Variants in AHI1 observed in about 807,000 individuals in gnomAD.
The protein encoded by AHI1 is jouberin.
AHI1 carries 123 observed loss-of-function variants against 149.3 expected under a neutral mutation model. The ratio of observed to expected loss-of-function variants is 0.82; its 90% CI spans 0.71 to 0.96. The LOEUF (loss-of-function observed/expected upper bound fraction) is 0.96. AHI1 is among the 40% of genes least tolerant of loss of function. The probability of loss-of-function intolerance (pLI) is 0.00; values close to 1 mark genes in which losing one functional copy is unlikely to be tolerated. For synonymous variants in AHI1, 475 were observed against 459.8 expected, an observed-to-expected ratio of 1.03 and a Z score of -0.42; for missense variants, 1,439 against 1,422.7, an observed-to-expected ratio of 1.01 and a Z score of -0.18.
At chr6:135,436,806 T>C (rs1472144400) in intron 15 of AHI1, among the ~76,000 whole-genome samples, 1 of 152,176 alleles carries the variant, frequency 6.6e-6, no homozygotes, top group African/African-American at 2.4e-5. Flanking sequence ...TTCGCCATGT[T>C]GGCCAGGCTG....
At chr6:135,484,323 A>G (rs1299603032) in intron 5 of AHI1, among the ~76,000 whole-genome samples, 3 of 152,182 alleles carry the variant, frequency 2.0e-5, no homozygotes, top group Non-Finnish European at 4.4e-5. Flanking sequence ...CCTTTCTACC[A>G]GCATTCTACC....
intron 16 of AHI1, among the ~76,000 whole-genome samples, chr6:135,431,593 T>C (rs921978673): frequency 2.0e-5 from 3 of 152,172 alleles, no homozygotes; most frequent in East Asian, 3.8e-4. Flanking sequence ...AGCCTCTCAG[T>C]ACATGTGTAT....
Position 135,470,349 on chromosome 6 carries a change from G to C in AHI1, c.136-2715C>G, listed in dbSNP as rs370516123. 1.7e-3 allele frequency among the ~76,000 whole-genome samples: 264 copies of C among 152,278 alleles called. 2 individuals carry two copies. Among genetic ancestry groups the C allele is most frequent in the African/African-American group, 5.9e-3 (245 of 41,554 alleles). On this transcript the variant is annotated intron_variant, in intron 5 of 28. Transcript: ENST00000265602. Reference sequence around the variant, plus strand: ...GGTGAAGCTATGGAGAAATAGGAAAGCTTTTACACTGTTGATGGGAATGTA... The same window carrying C: ...GGTGAAGCTATGGAGAAATAGGAAACCTTTTACACTGTTGATGGGAATGTA...
chr6:135,399,830 T>C (rs896003111), intron 22 of AHI1, among the ~76,000 whole-genome samples: 1 of 151,540 alleles, frequency 6.6e-6, no homozygotes, highest in Non-Finnish European at 1.5e-5. Context: ...GCTCCACATA[T>C]AGATTACTAT....
At chr6:135,448,535 G>C in intron 11 of AHI1, 60 bp from the exon 12 acceptor site, 12 of 1,246,072 alleles carry the variant, frequency 9.6e-6, no homozygotes, top group Non-Finnish European at 1.3e-5. Flanking sequence ...ATCCAATAAA[G>C]CAATAGCATA....
chr6:135,467,014 G>T (rs1396624801), intron 6 of AHI1, among the ~76,000 whole-genome samples: 2 of 152,160 alleles, frequency 1.3e-5, no homozygotes, highest in Admixed American at 1.3e-4. Flanking sequence ...ATACAAGGAA[G>T]AGGAGGAGGG....
chr6:135,479,960 T>G (rs73564133), intron 5 of AHI1, among the ~76,000 whole-genome samples: 14 of 152,262 alleles, frequency 9.2e-5, no homozygotes, highest in African/African-American at 3.4e-4. Flanking sequence ...GCTCTGGCCA[T>G]GTGAAGACTG....
intron 20 of AHI1, among the ~76,000 whole-genome samples, chr6:135,417,142 A>G (rs913687671): frequency 1.3e-5 from 2 of 152,072 alleles, no homozygotes; most frequent in Non-Finnish European, 2.9e-5. Flanking sequence ...AAATAAACAA[A>G]TGCATATCAT....
At position 135,495,911 on chromosome 6, in the gene AHI1, G is replaced by A. The variant is rs1463856491; in HGVS notation, c.-139-13C>T. On this transcript the variant is annotated splice_polypyrimidine_tract_variant and intron_variant, in intron 2 of 28. Coordinates refer to ENST00000265602, the MANE Select transcript of AHI1 (RefSeq NM_001134831.2). The stretch of plus-strand genomic sequence containing the variant: ...ACCTATTTTAGTACTGTAAGGAGAA[G>A]AGAAAATACCAAAAAGCAAAGTAAT... 1.3e-5 allele frequency: 2 copies of A among 152,002 alleles called. No individual in the cohort carries two copies. Among genetic ancestry groups the A allele is most frequent in the African/African-American group, 4.8e-5 (2 of 41,370 alleles). 9.4% of individuals were successfully genotyped at this position (152,002 alleles called of 1,614,324 possible). A position where few individuals can be genotyped will look rare whatever the true frequency, so the allele number is the denominator to read the frequency against.
chr6:135,384,973 C>T (rs758536029), intron 23 of AHI1, among the ~76,000 whole-genome samples: 1 of 151,984 alleles, frequency 6.6e-6, no homozygotes, highest in Non-Finnish European at 1.5e-5. Context: ...CTTGTAGTAC[C>T]AGCTACTTGG....
intron 20 of AHI1, among the ~76,000 whole-genome samples, chr6:135,412,933 C>T (rs920234242): frequency 1.3e-5 from 2 of 152,064 alleles, no homozygotes; most frequent in African/African-American, 4.8e-5. Context: ...ATCAGGTTAT[C>T]CATCGAAGGA....
chr6:135,349,864 A>G (rs1791812406), intron 24 of AHI1, among the ~76,000 whole-genome samples: 1 of 152,204 alleles, frequency 6.6e-6, no homozygotes, highest in Admixed American at 6.5e-5. Context: ...TCCCTTGGCA[A>G]GAGACCTTGC....
chr6:135,446,050 C>T (rs1478877755), intron 13 of AHI1, among the ~76,000 whole-genome samples: 3 of 150,760 alleles, frequency 2.0e-5, no homozygotes, highest in Non-Finnish European at 4.4e-5. Context: ...AGCAAGTCTC[C>T]GTCTCAAAAA....
chr6:135,400,655 A>T (rs1779901389), intron 22 of AHI1, among the ~76,000 whole-genome samples: 1 of 152,238 alleles, frequency 6.6e-6, no homozygotes, highest in Non-Finnish European at 1.5e-5. Flanking sequence ...GCTGAAAGCT[A>T]AGTCATTCAA....
At position 135,382,874 on chromosome 6, in the gene AHI1, C is replaced by T. The variant is rs1460263276; in HGVS notation, c.3109+11902G>A. ...GCTGCTTGCTTGGTTCCAGGCGGTGCCCATCCTAAGCAAAATTAGTAAAAA... is the reference window on the plus strand; with the variant it reads ...GCTGCTTGCTTGGTTCCAGGCGGTGTCCATCCTAAGCAAAATTAGTAAAAA... On this transcript the variant is annotated intron_variant, in intron 23 of 28. Coordinates refer to ENST00000265602, the MANE Select transcript of AHI1 (RefSeq NM_001134831.2). Among the ~76,000 whole-genome samples, 6 of 115,738 alleles carry T rather than the reference C, an allele frequency of 5.2e-5. No individual in the cohort carries two copies. The South Asian group carries it at 1.2e-3, about 22-fold the overall frequency. 75.9% of individuals were successfully genotyped at this position (115,738 alleles called of 152,430 possible). A position where few individuals can be genotyped will look rare whatever the true frequency, so the allele number is the denominator to read the frequency against.
chr6:135,429,484 G>C lies in AHI1; in HGVS notation c.2492+398C>G, dbSNP rs2128011442. Among the ~76,000 whole-genome samples the C allele has an allele frequency of 2.0e-5, 3 of 151,768 alleles. No homozygotes were observed. The Middle Eastern group carries it at 0.01, about 516-fold the overall frequency. ...ACATATAAATCAAAAGCCCTCTCCT[G>C]TAGTTATATCATATTATACTAATGC... On this transcript the variant is annotated intron_variant, in intron 18 of 28. Coordinates refer to ENST00000265602, the MANE Select transcript of AHI1 (RefSeq NM_001134831.2).
chr6:135,391,224 CATATTCATTCCTTGG>C (rs1020274709), intron 23 of AHI1, among the ~76,000 whole-genome samples: 36 of 152,170 alleles, frequency 2.4e-4, no homozygotes, highest in Non-Finnish European at 3.8e-4. Flanking sequence ...GAATCCCTTT[CATATTCATTCCTTGG>C]ATAATTCTTT....
intron 19 of AHI1, among the ~76,000 whole-genome samples, chr6:135,428,370 T>C (rs1023288118): frequency 2.0e-5 from 3 of 151,758 alleles, no homozygotes; most frequent in South Asian, 4.1e-4. Context: ...TGTCTCATTA[T>C]AGGCCATGAA....
chr6:135,479,090 G>A (rs1173030222), intron 5 of AHI1, among the ~76,000 whole-genome samples: 1 of 152,254 alleles, frequency 6.6e-6, no homozygotes, highest in Non-Finnish European at 1.5e-5. Flanking sequence ...CCAGGTAGAA[G>A]TCCACTGCAG....
Sources: gnomAD v4.1 joint callset for allele counts (sites outside exome capture counted in the v4.1 genomes callset) on GRCh38, gnomAD v4.1.1 for gene constraint, MANE v1.5 for transcripts, NCBI Gene and HGNC (gene_info 2026-07-23, HGNC 2026-07-21) for gene names.